SLC26A5: variants seen among roughly 807,000 people sequenced by gnomAD.
SLC26A5 encodes the protein prestin.
In SLC26A5, 51 loss-of-function variants were observed where a neutral mutation model predicts 81.0. That is an observed-to-expected ratio of 0.63 (90% CI 0.50 to 0.80). SLC26A5 has a LOEUF of 0.80. Among genes scored for constraint, SLC26A5 ranks in the 30% least tolerant of loss-of-function variants. SLC26A5 has a pLI of 0.00. For missense variants in SLC26A5, 771 were observed against 905.8 expected (o/e 0.85, Z 1.91); for synonymous variants, 325 against 332.8 (o/e 0.98, Z 0.25).
At chr7:103,363,674 G>A (rs947343940) in intron 19 of SLC26A5, among the ~76,000 whole-genome samples, 2 of 151,786 alleles carry the variant, frequency 1.3e-5, no homozygotes, top group African/African-American at 4.8e-5. Flanking sequence ...CAGTGACAGA[G>A]GAGGCACAGT....
Position 103,389,442 on chromosome 7 carries a change from C to T in SLC26A5, c.1312-18G>A, listed in dbSNP as rs1056144718. ...AGCACAGCCTGAAACAGAGCACATC[C>T]CCCATGCCTCTCCTCTTGTGTCCAC... is the stretch of plus-strand genomic sequence containing the variant. On this transcript the variant is annotated intron_variant, in intron 12 of 19. Transcript: ENST00000306312. 13 of 1,572,634 alleles carry T rather than the reference C, an allele frequency of 8.3e-6. No homozygotes were observed. Among genetic ancestry groups the T allele is most frequent in the Non-Finnish European group, 1.1e-5 (13 of 1,142,476 alleles).
chr7:103,436,573 A>G (rs1826469893), intron 2 of SLC26A5, among the ~76,000 whole-genome samples: 1 of 152,212 alleles, frequency 6.6e-6, no homozygotes, highest in South Asian at 2.1e-4. Context: ...TAGTTAATGA[A>G]AATGACAGAA....
intron 14 of SLC26A5, among the ~76,000 whole-genome samples, chr7:103,386,289 C>T (rs1290750044): frequency 2.0e-5 from 3 of 151,846 alleles, no homozygotes; most frequent in Non-Finnish European, 2.9e-5. Context: ...GATAACCGGC[C>T]GGGCACGATG....
chr7:103,405,599 C>T (rs903363446), intron 8 of SLC26A5, among the ~76,000 whole-genome samples: 1 of 152,166 alleles, frequency 6.6e-6, no homozygotes, highest in African/African-American at 2.4e-5. Flanking sequence ...AGCCAGAGAT[C>T]CCCTGGATGA....
At chr7:103,360,037 C>T (rs1396590092) in intron 19 of SLC26A5, among the ~76,000 whole-genome samples, 2 of 151,278 alleles carry the variant, frequency 1.3e-5, no homozygotes, top group South Asian at 2.1e-4. Flanking sequence ...GTCAAGATCG[C>T]GCCACTGCAC....
chr7:103,365,554 A>G (rs550772697), intron 19 of SLC26A5, among the ~76,000 whole-genome samples: 15 of 152,340 alleles, frequency 9.8e-5, no homozygotes, highest in African/African-American at 2.9e-4. Context: ...GCTTGAACCC[A>G]GAAGGCGAAG....
intron 19 of SLC26A5, among the ~76,000 whole-genome samples, chr7:103,358,176 C>T (rs1424378781): frequency 3.9e-5 from 6 of 152,166 alleles, no homozygotes; most frequent in East Asian, 1.9e-4. Flanking sequence ...ATTTTGAAGG[C>T]GTCGTTCTGT....
chr7:103,406,715 G>A (rs570851216), intron 8 of SLC26A5, among the ~76,000 whole-genome samples: 64 of 152,298 alleles, frequency 4.2e-4, no homozygotes, highest in Non-Finnish European at 7.5e-4. Context: ...GAGTGCAGAG[G>A]TGTGATCTTG....
chr7:103,392,876 T>A, intron 10 of SLC26A5, 43 bp downstream of exon 10: 1 of 1,612,008 alleles, frequency 6.2e-7, no homozygotes, highest in Non-Finnish European at 8.5e-7. Context: ...ACATTGGTGA[T>A]TGTACTGCTA....
At chr7:103,364,083 AAGT>A in intron 19 of SLC26A5, 1 of 1,504,762 alleles carries the variant, frequency 6.6e-7, no homozygotes, top group Non-Finnish European at 9.1e-7. Context: ...GTTGATTTAG[AAGT>A]AGTCTGATTT....
Position 103,389,057 on chromosome 7 carries a change from T to C in SLC26A5, c.1465A>G (p.Ile489Val). ...AGCAGAGCAATGATCACAGCAGTGA[T>C]CAAACCATAGTCCAATCCCAGGAAC... ...SLFLGLDYGL[I>V]TAVIIALLTV... The change falls in exon 14 of 20, where the codon ATC (isoleucine) becomes GTC (valine). Residue 489 changes from isoleucine (I) to valine (V), a missense_variant. Physicochemically the swap from Ile to Val is conservative, Grantham distance 29 (BLOSUM62 3). Transcript: ENST00000306312. 6.2e-7 allele frequency: 1 copy of C among 1,613,836 alleles called. No individual in the cohort carries two copies. Among genetic ancestry groups the C allele is most frequent in the Non-Finnish European group, 8.5e-7 (1 of 1,179,880 alleles).
chr7:103,377,701 T>C lies in SLC26A5; in HGVS notation c.1884A>G (p.Glu628=), dbSNP rs1563512506. 6.2e-7 allele frequency: 1 copy of C among 1,614,162 alleles called. No individual in the cohort carries two copies. The highest frequency in any genetic ancestry group is 1.7e-5 in the Admixed American group (1 of 60,020). ...CCCCTGGGGGCATAAATCTTTGCAT[T>C]TCCTCAGGAAATGTGCTTTTGATCA... ...PIVIKSTFPE[E]MQRFMPPGDN... is the part of the protein sequence containing the mutation. The change falls in exon 18 of 20, where the codon GAA becomes GAG. Residue 628 remains glutamate, a synonymous_variant. Transcript: ENST00000306312.
intron 7 of SLC26A5, among the ~76,000 whole-genome samples, chr7:103,409,368 C>T (rs1824297724): frequency 6.6e-6 from 1 of 152,208 alleles, no homozygotes; most frequent in Admixed American, 6.5e-5. Flanking sequence ...ATATGTAGTA[C>T]TTCTACTGTC....
chr7:103,443,392 T>A (rs956191100), intron 1 of SLC26A5, among the ~76,000 whole-genome samples, 181 bp from the exon 2 acceptor site: 3 of 150,640 alleles, frequency 2.0e-5, no homozygotes, highest in African/African-American at 7.5e-5. Flanking sequence ...TATATATAAT[T>A]ATATCTTCTT....
At chr7:103,371,601 G>C (rs1821043024), downstream of SLC26A5, among the ~76,000 whole-genome samples, 1 of 151,848 alleles carries the variant, frequency 6.6e-6, no homozygotes, top group African/African-American at 2.4e-5. Context: ...CTGGATTACA[G>C]GCGTGAGCCA....
At chr7:103,422,045 C>G (rs1825392962) in intron 2 of SLC26A5, among the ~76,000 whole-genome samples, 1 of 152,154 alleles carries the variant, frequency 6.6e-6, no homozygotes, top group Non-Finnish European at 1.5e-5. Context: ...GCTTACATGT[C>G]TGTTTGAGGC....
At chr7:103,394,613 C>CAAA (rs1283456394) in intron 9 of SLC26A5, among the ~76,000 whole-genome samples, 65 of 152,310 alleles carry the variant, frequency 4.3e-4, no homozygotes, top group Admixed American at 9.2e-4. Context: ...ATGCACTGCT[C>CAAA]ATTTACCAAG....
intron 2 of SLC26A5, among the ~76,000 whole-genome samples, chr7:103,441,693 G>C (rs1243901192): frequency 6.6e-6 from 1 of 152,224 alleles, no homozygotes; most frequent in African/African-American, 2.4e-5. Context: ...TGGATACTCA[G>C]AGCAGAGATG....
Position 103,400,955 on chromosome 7 carries a change from T to C in SLC26A5, c.889-2941A>G, listed in dbSNP as rs1823541235. On this transcript the variant is annotated intron_variant, in intron 8 of 19. Coordinates refer to ENST00000306312, the MANE Select transcript of SLC26A5 (RefSeq NM_198999.3). The stretch of plus-strand genomic sequence containing the variant: ...TGGTACCAGTACCATGCTGTTTTGG[T>C]TACTGTAGCCTTGTAGTATAGTTTG... 2.0e-5 allele frequency among the ~76,000 whole-genome samples: 3 copies of C among 152,204 alleles called. No homozygotes were observed. In the South Asian group the frequency reaches 6.2e-4, roughly 32 times the overall value.
Sources: gnomAD v4.1 joint callset for allele counts (sites outside exome capture counted in the v4.1 genomes callset) on GRCh38, gnomAD v4.1.1 for gene constraint, MANE v1.5 for transcripts, NCBI Gene and HGNC (gene_info 2026-07-23, HGNC 2026-07-21) for gene names.